Variants in CSMD1 observed in about 807,000 individuals in gnomAD.
CSMD1 encodes the protein CUB and Sushi multiple domains 1, also known as CUB and sushi domain-containing protein 1.
Under a neutral mutation model 417.5 loss-of-function variants are expected in CSMD1, and 213 were observed. The ratio of observed to expected loss-of-function variants is 0.51; its 90% CI spans 0.46 to 0.57. The LOEUF is 0.57. Among genes scored for constraint, CSMD1 ranks in the 20% least tolerant of loss-of-function variants. CSMD1 has a pLI of 0.00. For missense variants in CSMD1, 6,923 were observed against 4,529.7 expected (o/e 1.53, Z -15.17); for synonymous variants, 2,862 against 1,736.8 (o/e 1.65, Z -16.11).
intron 2 of CSMD1, among the ~76,000 whole-genome samples, chr8:4,525,947 A>G (rs1796492778): frequency 6.6e-6 from 1 of 152,160 alleles, no homozygotes; most frequent in Non-Finnish European, 1.5e-5. Context: ...AATATCCATG[A>G]TAGATCTGGG....
At chr8:4,864,857 T>G (rs1405763807) in intron 1 of CSMD1, among the ~76,000 whole-genome samples, 1 of 138,198 alleles carries the variant, frequency 7.2e-6, no homozygotes, top group African/African-American at 2.7e-5. Flanking sequence ...CTAATATCAC[T>G]GAAATATTGG....
At chr8:4,600,063 T>C (rs375899093) in intron 2 of CSMD1, among the ~76,000 whole-genome samples, 3 of 152,234 alleles carry the variant, frequency 2.0e-5, no homozygotes, top group African/African-American at 4.8e-5. Flanking sequence ...TGGCTTGTCC[T>C]TCCCTTTTAT....
chr8:3,860,104 G>T (rs970657839), intron 5 of CSMD1, among the ~76,000 whole-genome samples: 2 of 152,070 alleles, frequency 1.3e-5, no homozygotes, highest in African/African-American at 4.8e-5. Context: ...TAAAAAGTTT[G>T]CCTTCATATT....
chr8:4,745,216 C>T (rs1254301184), intron 1 of CSMD1, among the ~76,000 whole-genome samples: 2 of 152,124 alleles, frequency 1.3e-5, no homozygotes, highest in South Asian at 4.1e-4. Context: ...AAAGTTATAG[C>T]TATCCAGTTG....
At chr8:3,372,871 T>C (rs745915223) in intron 18 of CSMD1, among the ~76,000 whole-genome samples, 3 of 152,026 alleles carry the variant, frequency 2.0e-5, no homozygotes, top group African/African-American at 4.8e-5. Flanking sequence ...TAAGCTTCCA[T>C]AGAGGGAACT....
intron 27 of CSMD1, among the ~76,000 whole-genome samples, chr8:3,228,782 G>GAA (rs77087790): frequency 1.4e-5 from 2 of 141,182 alleles, no homozygotes; most frequent in Non-Finnish European, 3.1e-5. Flanking sequence ...AAAATGGAAG[G>GAA]AAAAAAAAAA....
At chr8:3,731,260 A>G (rs1796235623) in intron 6 of CSMD1, among the ~76,000 whole-genome samples, 1 of 152,170 alleles carries the variant, frequency 6.6e-6, no homozygotes, top group Non-Finnish European at 1.5e-5. Context: ...TGCATTCTAC[A>G]TTGACCAGCA....
chr8:3,233,339 C>G (rs80303885), intron 26 of CSMD1, among the ~76,000 whole-genome samples: 1 of 152,148 alleles, frequency 6.6e-6, no homozygotes, highest in Non-Finnish European at 1.5e-5. Context: ...CTCAGCCCCT[C>G]GCCAGGCGAT....
At chr8:4,495,877 G>A (rs1406030213) in intron 2 of CSMD1, among the ~76,000 whole-genome samples, 1 of 152,028 alleles carries the variant, frequency 6.6e-6, no homozygotes, top group Non-Finnish European at 1.5e-5. Context: ...TAATTTTTCT[G>A]TGTTTTTTGC....
chr8:4,016,288 A>G (rs192406376), intron 4 of CSMD1, among the ~76,000 whole-genome samples: 30 of 152,250 alleles, frequency 2.0e-4, no homozygotes, highest in Non-Finnish European at 3.7e-4. Flanking sequence ...AGATTCCAGT[A>G]GATGGAAATA....
chr8:4,183,940 T>G (rs1046432788), intron 3 of CSMD1, among the ~76,000 whole-genome samples: 3 of 152,128 alleles, frequency 2.0e-5, no homozygotes, highest in African/African-American at 7.2e-5. Context: ...CTGGGAAACC[T>G]ATGAACTGCT....
At chr8:3,759,904 C>CA (rs71203472) in intron 5 of CSMD1, among the ~76,000 whole-genome samples, 7,781 of 95,488 alleles carry the variant, frequency 0.081, 284 homozygotes, top group East Asian at 0.15. Context: ...GAGACTGTCT[C>CA]AAAAAAAAAA....
In CSMD1 at chr8:3,221,787, G is replaced by A. The variant is rs561626892; in HGVS notation, c.4484+1942C>T. On this transcript the variant is annotated intron_variant, in intron 28 of 69. Transcript: ENST00000635120. ...TGTGAGCCCCACAATCCACAGGGAC[G>A]TGTAATGGAACATCCTCTCTCATCC... Among the ~76,000 whole-genome samples the A allele has an allele frequency of 1.1e-4, 17 of 152,156 alleles. 1 individual carries two copies. The East Asian group carries it at 2.9e-3, about 26-fold the overall frequency.
chr8:4,828,971 C>A (rs1799981655), intron 1 of CSMD1, among the ~76,000 whole-genome samples: 3 of 152,088 alleles, frequency 2.0e-5, no homozygotes, highest in Admixed American at 6.6e-5. Context: ...GTAATAGTAA[C>A]CTGACACATG....
intron 18 of CSMD1, among the ~76,000 whole-genome samples, chr8:3,386,060 G>A (rs1316218116): frequency 6.6e-6 from 1 of 152,112 alleles, no homozygotes; most frequent in Non-Finnish European, 1.5e-5. Flanking sequence ...ATTGGTAAGT[G>A]GCAAAATGAT....
chr8:4,472,820 G>C (rs927083480), intron 2 of CSMD1, among the ~76,000 whole-genome samples: 1 of 151,632 alleles, frequency 6.6e-6, no homozygotes, highest in Admixed American at 6.6e-5. Flanking sequence ...TAAAAAATTT[G>C]GTATATATAC....
chr8:3,121,674 C>T (rs1234865703), intron 41 of CSMD1, among the ~76,000 whole-genome samples: 1 of 152,146 alleles, frequency 6.6e-6, no homozygotes, highest in Admixed American at 6.5e-5. Flanking sequence ...TGACTCATGC[C>T]TGTGGTCCCA....
chr8:4,615,125 G>A (rs536525195), intron 2 of CSMD1, among the ~76,000 whole-genome samples: 1 of 152,138 alleles, frequency 6.6e-6, no homozygotes, highest in Non-Finnish European at 1.5e-5. Flanking sequence ...CACAAAATAA[G>A]TGGGGCACAA....
At chr8:4,635,359 A>G (rs1398294189) in intron 2 of CSMD1, among the ~76,000 whole-genome samples, 1 of 152,166 alleles carries the variant, frequency 6.6e-6, no homozygotes. Flanking sequence ...AATATTGAAG[A>G]TGGTAAGAAT....
Sources: gnomAD v4.1 joint callset for allele counts (sites outside exome capture counted in the v4.1 genomes callset) on GRCh38, gnomAD v4.1.1 for gene constraint, MANE v1.5 for transcripts, NCBI Gene and HGNC (gene_info 2026-07-23, HGNC 2026-07-21) for gene names.